Variants in LGI4 observed in about 807,000 individuals in gnomAD.
The protein encoded by LGI4 is leucine rich repeat LGI family member 4, also known as leucine-rich repeat LGI family member 4.
A neutral mutation model predicts 48.3 loss-of-function variants in LGI4; 36 were observed. The ratio of observed to expected loss-of-function variants is 0.75; its 90% confidence interval spans 0.57 to 0.98. The LOEUF (loss-of-function observed/expected upper bound fraction) is 0.98. Among genes scored for constraint, LGI4 ranks in the 50% least tolerant of loss-of-function variants. LGI4 has a pLI of 0.00. For synonymous variants in LGI4, 355 were observed against 331.6 expected, an observed-to-expected ratio of 1.07 and a Z score of -0.77; for missense variants, 701 against 732.1, an observed-to-expected ratio of 0.96 and a Z score of 0.49.
intron 6 of LGI4, chr19:35,131,008 G>A (rs2065170574): frequency 1.8e-6 from 1 of 567,136 alleles, no homozygotes; most frequent in Non-Finnish European, 3.1e-6. Flanking sequence ...TCTATTTATA[G>A]AAAAGGCGAG....
At chr19:35,133,524 C>T (rs2145369341) in intron 3 of LGI4, 169 bp downstream of exon 3, 1 of 1,450,678 alleles carries the variant, frequency 6.9e-7, no homozygotes, top group East Asian at 2.5e-5. Context: ...TCAGTATCAC[C>T]CAAAGCATCA....
At chr19:35,125,846 T>C (rs2065130744) in intron 8 of LGI4, 3 of 585,154 alleles carry the variant, frequency 5.1e-6, no homozygotes, top group African/African-American at 3.7e-5. Flanking sequence ...GCTCCCCCAG[T>C]CTGTTCCCCA....
Position 35,131,803 on chromosome 19 carries a change from G to A in LGI4, c.444C>T (p.Asp148=). 6 of 1,566,048 alleles carry A rather than the reference G, an allele frequency of 3.8e-6. No homozygotes were observed. Among genetic ancestry groups the A allele is most frequent in the Non-Finnish European group, 5.2e-6 (6 of 1,154,536 alleles). The part of the protein sequence containing the change: ...TLPRFLFRGL[D]TLTHVDLRGN... ...ATGAGCCTCACACATGAGTAAGGGTGTCCAGGCCTCGGAACAGGAATCTGG... is the reference window on the plus strand; with the variant it reads ...ATGAGCCTCACACATGAGTAAGGGTATCCAGGCCTCGGAACAGGAATCTGG... The change falls in exon 5 of 9, where the codon GAC becomes GAT. Residue 148 remains aspartate, a synonymous_variant. Transcript: ENST00000310123.
intron 3 of LGI4, 120 bp from the exon 4 acceptor site, chr19:35,132,162 G>C (rs1040398105): frequency 2.4e-6 from 2 of 845,934 alleles, no homozygotes; most frequent in Non-Finnish European, 3.9e-6. Flanking sequence ...ACAATCCCAG[G>C]GAAAGCCTCT....
rs1289764960 is a variant in LGI4 at position 35,130,204 on chromosome 19, G to T, written c.628+1182C>A. On this transcript the variant is annotated intron_variant, in intron 6 of 8. Coordinates refer to ENST00000310123, the MANE Select transcript of LGI4 (RefSeq NM_139284.3). The stretch of plus-strand genomic sequence containing the variant: ...AGAGAACTCAGGGACCAGTGCCGGC[G>T]CGGGTCCTCACTTGCTGAGTGCCAG... 7.2e-5 allele frequency among the ~76,000 whole-genome samples: 11 copies of T among 152,130 alleles called. 1 individual carries two copies. The highest frequency in any genetic ancestry group is 7.2e-4 in the Admixed American group (11 of 15,266).
In LGI4 at chr19:35,131,460, C is replaced by T. The variant is rs1290666151; in HGVS notation, c.554G>A (p.Cys185Tyr). The T allele has an allele frequency of 1.3e-5, 20 of 1,551,566 alleles. No homozygotes were observed. Among genetic ancestry groups the T allele is most frequent in the Non-Finnish European group, 1.7e-5 (20 of 1,147,130 alleles). The change falls in exon 6 of 9, where the codon TGT (cysteine) becomes TAT (tyrosine). Residue 185 changes from cysteine (C) to tyrosine (Y), a missense_variant. Cys to Tyr is a radical substitution (Grantham distance 194). Coordinates refer to ENST00000310123, the MANE Select transcript of LGI4 (RefSeq NM_139284.3). ...GTGGCTCAGGGAGGCGGGGCCCGCA[C>T]AGGCGCCGGTCCCCACGCTGGCATT... is the stretch of plus-strand genomic sequence containing the variant. ...TVNASVGTGA[C>Y]AGPASLSHMQ...
intron 6 of LGI4, chr19:35,130,939 G>A (rs1600474290): frequency 5.0e-6 from 2 of 400,296 alleles, no homozygotes; most frequent in East Asian, 1.2e-4. Flanking sequence ...GCGAGACCCA[G>A]GGCTGGCCTC....
intron 6 of LGI4, chr19:35,130,952 C>T (rs1600474305): frequency 2.3e-6 from 1 of 428,634 alleles, no homozygotes. Flanking sequence ...CTGGCCTCAT[C>T]ATTCTGTGCT....
chr19:35,125,124 A>AG lies in LGI4; in HGVS notation c.*68dup. On this transcript the variant is annotated 3_prime_UTR_variant, in exon 9 of 9. Coordinates refer to ENST00000310123, the MANE Select transcript of LGI4 (RefSeq NM_139284.3). Reference sequence around the variant, plus strand: ...AGCTCACAGGCGGGCCATCACCCCAAGTAGGGCCAGGAGCCAGCCAAGGGG... The same window carrying AG: ...AGCTCACAGGCGGGCCATCACCCCAAGGTAGGGCCAGGAGCCAGCCAAGGGG... The AG allele has an allele frequency of 7.2e-7, 1 of 1,385,582 alleles. No homozygotes were observed. The highest frequency in any genetic ancestry group is 2.4e-5 in the Admixed American group (1 of 41,726). The allele number at this position is 1,385,582 out of a possible 1,614,324, so 85.8% of individuals were successfully genotyped here.
chr19:35,131,815 GA>G lies in LGI4; in HGVS notation c.431del (p.Phe144SerfsTer33). ...NHLETLPRFL[F>X]RGLDTLTHVD... ...CATGAGTAAGGGTGTCCAGGCCTCG[GA>G]ACAGGAATCTGGGGAGGGTCTCCAG... On this transcript the variant is annotated frameshift_variant, in exon 5 of 9. Transcript: ENST00000310123. LOFTEE classifies it high-confidence loss of function. 1.3e-6 allele frequency: 2 copies of G among 1,571,712 alleles called. No individual in the cohort carries two copies. The highest frequency in any genetic ancestry group is 8.6e-7 in the Non-Finnish European group (1 of 1,157,954).
intron 1 of LGI4, 144 bp from the exon 2 acceptor site, chr19:35,134,248 T>G: frequency 1.2e-6 from 1 of 834,278 alleles, no homozygotes; most frequent in Non-Finnish European, 1.9e-6. Flanking sequence ...AGGCAGGCAT[T>G]TGCCCTCCTG....
chr19:35,132,108 C>T, intron 3 of LGI4, 66 bp from the exon 4 acceptor site: 1 of 1,307,458 alleles, frequency 7.6e-7, no homozygotes, highest in Non-Finnish European at 1.1e-6. Flanking sequence ...CCATGAAAGA[C>T]ATAGGCCCAC....
At chr19:35,130,874 G>A (rs1025439441) in intron 6 of LGI4, among the ~76,000 whole-genome samples, 3 of 152,130 alleles carry the variant, frequency 2.0e-5, no homozygotes, top group African/African-American at 4.8e-5. Context: ...TGCCCAGATC[G>A]TCCTGGGCTG....
rs1176706164 is a variant in LGI4, at chr19:35,128,543, C to CTACAAAAAA, written c.629-1535_629-1527dup. ...GGACAACATGGTGAAAACCCCATCT[C>CTACAAAAAA]TACAAAAAATACAAAAAATTAGCAG... On this transcript the variant is annotated intron_variant, in intron 6 of 8. Transcript: ENST00000310123. Among the ~76,000 whole-genome samples the CTACAAAAAA allele has an allele frequency of 2.6e-5, 4 of 152,038 alleles. No homozygotes were observed. In the East Asian group the frequency reaches 7.7e-4, roughly 29 times the overall value.
chr19:35,128,394 T>C (rs1008167626), intron 6 of LGI4, among the ~76,000 whole-genome samples: 6 of 152,206 alleles, frequency 3.9e-5, no homozygotes, highest in African/African-American at 1.4e-4. Context: ...CTTTTTTAAA[T>C]GGCTATCAAA....
chr19:35,126,284 T>G lies in LGI4; in HGVS notation c.1285A>C (p.Ile429Leu). 1 of 1,611,980 alleles carries G rather than the reference T, an allele frequency of 6.2e-7. No homozygotes were observed. Among genetic ancestry groups the G allele is most frequent in the Non-Finnish European group, 8.5e-7 (1 of 1,179,552 alleles). ...CCCAGCCTCACCATGGAGTCCCCAA[T>G]GTAGCGTGTGAGGCACAGGAACACG... ...GDVFLCLTRY[I>L]GDSMVMRWDG... is the part of the protein sequence containing the mutation. The change falls in exon 8 of 9, where the codon ATT becomes CTT. Residue 429 changes from isoleucine (I) to leucine (L), a missense_variant. Ile to Leu is a conservative substitution (Grantham distance 5). Coordinates refer to ENST00000310123, the MANE Select transcript of LGI4 (RefSeq NM_139284.3).
rs576909196 is a variant in LGI4 at position 35,125,109 on chromosome 19, C to T, written c.*84G>A. Reference sequence around the variant, plus strand: ...TGGCCCACGGTCAGCAGCTCACAGGCGGGCCATCACCCCAAGTAGGGCCAG... The same window carrying T: ...TGGCCCACGGTCAGCAGCTCACAGGTGGGCCATCACCCCAAGTAGGGCCAG... On this transcript the variant is annotated 3_prime_UTR_variant, in exon 9 of 9. Coordinates refer to ENST00000310123, the MANE Select transcript of LGI4 (RefSeq NM_139284.3). 2.9e-5 allele frequency: 35 copies of T among 1,214,008 alleles called. No homozygotes were observed. The African/African-American group carries it at 4.2e-4, about 15-fold the overall frequency. 75.2% of individuals were successfully genotyped at this position (1,214,008 alleles called of 1,614,324 possible). A position where few individuals can be genotyped will look rare whatever the true frequency, so the allele number is the denominator to read the frequency against.
At chr19:35,128,691 G>A (rs2065156073) in intron 6 of LGI4, among the ~76,000 whole-genome samples, 1 of 152,106 alleles carries the variant, frequency 6.6e-6, no homozygotes, top group African/African-American at 2.4e-5. Flanking sequence ...CAGCCTGGGC[G>A]ACAGAGTGAG....
chr19:35,131,072 C>T (rs1225039516), intron 6 of LGI4: 10 of 591,338 alleles, frequency 1.7e-5, no homozygotes, highest in Non-Finnish European at 3.0e-5. Context: ...ATACTTGGCA[C>T]TTAACGAAGA....
Sources: gnomAD v4.1 joint callset for allele counts (sites outside exome capture counted in the v4.1 genomes callset) on GRCh38, gnomAD v4.1.1 for gene constraint, MANE v1.5 for transcripts, NCBI Gene and HGNC (gene_info 2026-07-23, HGNC 2026-07-21) for gene names.